ADAT1: variants seen among roughly 807,000 people sequenced by gnomAD.
ADAT1 encodes tRNA-specific adenosine deaminase 1.
Under a neutral mutation model 58.6 loss-of-function variants are expected in ADAT1, and 58 were observed. That is an observed-to-expected ratio of 0.99 (90% confidence interval 0.80 to 1.23). ADAT1 has a LOEUF of 1.23. ADAT1 is among the 50% of genes most tolerant of loss of function. The pLI is 0.00. For synonymous variants in ADAT1, 254 were observed against 220.8 expected (o/e 1.15, Z -1.33); for missense variants, 741 against 608.6 (o/e 1.22, Z -2.29).
In ADAT1 at chr16:75,599,630, CAGAA is replaced by C; in HGVS notation, c.*582_*585del. ...TGACCCTTACAGCTCCAGATCAAAA[CAGAA>C]AGCCTTTCCTGATACCTCTGAGAAC... On this transcript the variant is annotated 3_prime_UTR_variant, in exon 10 of 10. Coordinates refer to ENST00000564657, the MANE Select transcript of ADAT1 (RefSeq NM_001324445.2). 1.0e-6 allele frequency: 1 copy of C among 985,902 alleles called. No individual in the cohort carries two copies. Among genetic ancestry groups the C allele is most frequent in the Non-Finnish European group, 1.2e-6 (1 of 830,022 alleles). The allele number at this position is 985,902 out of a possible 1,614,324, so 61.1% of individuals were successfully genotyped here.
intron 3 of ADAT1, 29 bp from the exon 4 acceptor site, chr16:75,618,669 G>C (rs202043551): frequency 1.9e-6 from 3 of 1,612,140 alleles, no homozygotes; most frequent in African/African-American, 2.7e-5. Context: ...ACCAGGTGAA[G>C]ACATATGGAA....
intron 5 of ADAT1, among the ~76,000 whole-genome samples, chr16:75,614,866 C>T (rs1221668505): frequency 6.6e-6 from 1 of 152,142 alleles, no homozygotes; most frequent in Non-Finnish European, 1.5e-5. Context: ...GCAAAATTTC[C>T]TGAAGATTTT....
chr16:75,619,551 C>T, intron 3 of ADAT1: 1 of 434,978 alleles, frequency 2.3e-6, no homozygotes, highest in South Asian at 1.7e-5. Context: ...CTGAAACAGA[C>T]AAATAAAAAC....
chr16:75,620,260 G>A lies in ADAT1; in HGVS notation c.238+6C>T, dbSNP rs1254017191. ...AATCTTTGTTTAGATTCCCACCCGTGCTTACCGTTCTTCCTCATTTTGGAC... is the reference window on the plus strand; with the variant it reads ...AATCTTTGTTTAGATTCCCACCCGTACTTACCGTTCTTCCTCATTTTGGAC... On this transcript the variant is annotated splice_donor_region_variant and intron_variant, in intron 3 of 9. Transcript: ENST00000564657. 1.2e-5 allele frequency: 20 copies of A among 1,613,872 alleles called. No individual in the cohort carries two copies. Among genetic ancestry groups the A allele is most frequent in the Non-Finnish European group, 1.7e-5 (20 of 1,179,768 alleles).
At chr16:75,617,356 G>C (rs972006003) in intron 4 of ADAT1, 84 bp from the exon 5 acceptor site, 4 of 1,464,686 alleles carry the variant, frequency 2.7e-6, no homozygotes, top group South Asian at 1.2e-5. Flanking sequence ...TACTAAGACA[G>C]CTTACTGTAG....
In ADAT1 at chr16:75,608,999, G is replaced by C. The variant is rs745769332; in HGVS notation, c.1044-11C>G. On this transcript the variant is annotated splice_polypyrimidine_tract_variant and intron_variant, in intron 6 of 9. Coordinates refer to ENST00000564657, the MANE Select transcript of ADAT1 (RefSeq NM_001324445.2). ...GACACATTCTGACACCTAAATACAAGGGAAAATGCATTCAGTTTAGGTGCA... is the reference window on the plus strand; with the variant it reads ...GACACATTCTGACACCTAAATACAACGGAAAATGCATTCAGTTTAGGTGCA... 1 of 1,613,894 alleles carries C rather than the reference G, an allele frequency of 6.2e-7. No individual in the cohort carries two copies. Among genetic ancestry groups the C allele is most frequent in the Admixed American group, 1.7e-5 (1 of 59,910 alleles).
At chr16:75,621,075 ATT>A (rs1240156863) in intron 1 of ADAT1, among the ~76,000 whole-genome samples, 3 of 151,936 alleles carry the variant, frequency 2.0e-5, no homozygotes, top group African/African-American at 7.2e-5. Flanking sequence ...TATCTGATAC[ATT>A]TCTAAGGAGT....
rs1390402423 is a variant in ADAT1, at chr16:75,602,993, C to G, written c.1376+92G>C. The stretch of plus-strand genomic sequence containing the variant: ...AATAAGTGCCACTGGCTTGCTGAAC[C>G]ACCACTCCTGCCAAAGCTTCTTGCT... On this transcript the variant is annotated intron_variant, in intron 9 of 9. Transcript: ENST00000564657. 4 of 1,169,306 alleles carry G rather than the reference C, an allele frequency of 3.4e-6. No homozygotes were observed. In the African/African-American group the frequency reaches 6.1e-5, roughly 18 times the overall value. The allele number at this position is 1,169,306 out of a possible 1,614,324, so 72.4% of individuals were successfully genotyped here.
chr16:75,608,340 T>G lies in ADAT1; in HGVS notation c.1190-17A>C, dbSNP rs1316851176. ...AGCTGATGGCTATGAAAAGATAAGA[T>G]TCTAGGGTTAAAACTGCTCAATTTC... is the stretch of plus-strand genomic sequence containing the variant. On this transcript the variant is annotated splice_polypyrimidine_tract_variant and intron_variant, in intron 7 of 9. Coordinates refer to ENST00000564657, the MANE Select transcript of ADAT1 (RefSeq NM_001324445.2). 1 of 1,604,926 alleles carries G rather than the reference T, an allele frequency of 6.2e-7. No homozygotes were observed. Among genetic ancestry groups the G allele is most frequent in the Non-Finnish European group, 8.5e-7 (1 of 1,172,024 alleles).
chr16:75,598,676 G>A lies in ADAT1; in HGVS notation c.*1540C>T, dbSNP rs564764862. Among the ~76,000 whole-genome samples the A allele has an allele frequency of 2.2e-3, 330 of 151,948 alleles. 1 individual carries two copies. Among genetic ancestry groups the A allele is most frequent in the African/African-American group, 7.5e-3 (311 of 41,426 alleles). On this transcript the variant is annotated 3_prime_UTR_variant, in exon 10 of 10. Transcript: ENST00000564657. Reference sequence around the variant, plus strand: ...TGGGACTACAGGCGTGCACCACCATGCCCGGCTAATTTTTGTATTTTTAGC... The same window carrying A: ...TGGGACTACAGGCGTGCACCACCATACCCGGCTAATTTTTGTATTTTTAGC...
In ADAT1 at chr16:75,599,964, T is replaced by C; in HGVS notation, c.*252A>G. 8.2e-7 allele frequency: 1 copy of C among 1,218,568 alleles called. No individual in the cohort carries two copies. Among genetic ancestry groups the C allele is most frequent in the Non-Finnish European group, 1.0e-6 (1 of 974,820 alleles). The allele number at this position is 1,218,568 out of a possible 1,614,324, so 75.5% of individuals were successfully genotyped here. ...TCATGTTCCAAACTCTGATTTCATA[T>C]TTTAGAGAAGCAATAAAACACAATG... On this transcript the variant is annotated 3_prime_UTR_variant, in exon 10 of 10. Coordinates refer to ENST00000564657, the MANE Select transcript of ADAT1 (RefSeq NM_001324445.2).
At chr16:75,604,453 A>AT (rs1567464482) in intron 8 of ADAT1, among the ~76,000 whole-genome samples, 6 of 76,110 alleles carry the variant, frequency 7.9e-5, no homozygotes, top group Admixed American at 4.2e-4. Flanking sequence ...AAAAAAAAAA[A>AT]AAAATATATA....
chr16:75,617,300 G>C, intron 4 of ADAT1, 28 bp from the exon 5 acceptor site: 1 of 1,603,138 alleles, frequency 6.2e-7, no homozygotes, highest in Non-Finnish European at 8.5e-7. Flanking sequence ...TTATTAGGAT[G>C]AACAACCGAT....
At chr16:75,606,891 T>C (rs967987017) in intron 8 of ADAT1, among the ~76,000 whole-genome samples, 50 of 152,188 alleles carry the variant, frequency 3.3e-4, no homozygotes, top group African/African-American at 1.2e-3. Flanking sequence ...TAAAACTTGC[T>C]GAAATATATG....
chr16:75,600,564 G>A (rs2081199938), intron 9 of ADAT1, among the ~76,000 whole-genome samples: 1 of 152,130 alleles, frequency 6.6e-6, no homozygotes, highest in South Asian at 2.1e-4. Flanking sequence ...AAAACACTCA[G>A]GGCGCATAAC....
intron 9 of ADAT1, among the ~76,000 whole-genome samples, chr16:75,601,416 T>A (rs2081226769): frequency 6.6e-6 from 1 of 151,358 alleles, no homozygotes; most frequent in Admixed American, 6.6e-5. Context: ...CATGCAACAC[T>A]TCCCTTAATT....
chr16:75,610,787 T>A (rs970746668), intron 6 of ADAT1, among the ~76,000 whole-genome samples: 3 of 152,160 alleles, frequency 2.0e-5, no homozygotes, highest in Non-Finnish European at 4.4e-5. Context: ...TGAGTGGTCA[T>A]CTTTTGACTT....
In ADAT1 at chr16:75,617,142, A is replaced by G; in HGVS notation, c.424T>C (p.Cys142Arg). 1 of 1,611,348 alleles carries G rather than the reference A, an allele frequency of 6.2e-7. No individual in the cohort carries two copies. The highest frequency in any genetic ancestry group is 8.5e-7 in the Non-Finnish European group (1 of 1,177,904). ...AATCCAAAGGCTTGAATATACTTAC[A>G]GGGTGTATGGCTGGAGAAAAACACA... is the stretch of plus-strand genomic sequence containing the variant. ...IFVFFSSHTP[C>R]GDASIIPMLE... The change falls in exon 5 of 10, where the codon TGT (cysteine) becomes CGT (arginine). Residue 142 changes from cysteine to arginine, a missense_variant and splice_region_variant. Cys to Arg is a radical substitution (Grantham distance 180, BLOSUM62 -3). Transcript: ENST00000564657.
chr16:75,618,918 C>A (rs1398929007), intron 3 of ADAT1, among the ~76,000 whole-genome samples: 1 of 152,168 alleles, frequency 6.6e-6, no homozygotes, highest in Non-Finnish European at 1.5e-5. Flanking sequence ...CTGGCCTCTA[C>A]CCATGAGATG....
Sources: allele counts gnomAD v4.1 joint callset (sites outside exome capture counted in the v4.1 genomes callset), GRCh38; gene constraint gnomAD v4.1.1; transcripts MANE v1.5; gene names NCBI Gene and HGNC (gene_info 2026-07-23, HGNC 2026-07-21).